The following RAB3C variants were observed in gnomAD, a reference collection of about 807,000 sequenced individuals.
RAB3C encodes the protein RAB3C, member RAS oncogene family, also known as ras-related protein Rab-3C.
A neutral mutation model predicts 26.4 loss-of-function variants in RAB3C; 17 were observed. That is an observed-to-expected ratio of 0.64 (90% CI 0.44 to 0.97). RAB3C has a LOEUF of 0.97. Among genes scored for constraint, RAB3C ranks in the 50% least tolerant of loss-of-function variants. RAB3C has a pLI of 0.00. For synonymous variants in RAB3C, 91 were observed against 95.9 expected, an observed-to-expected ratio of 0.95 and a Z score of 0.30; for missense variants, 242 against 281.9, an observed-to-expected ratio of 0.86 and a Z score of 1.01.
intron 3 of RAB3C, among the ~76,000 whole-genome samples, chr5:58,810,075 G>A (rs1159513108): frequency 6.6e-6 from 1 of 152,134 alleles, no homozygotes; most frequent in Admixed American, 6.5e-5. Flanking sequence ...CAGCAGAAGT[G>A]GAACAATAGA....
chr5:58,674,619 A>G (rs1180089889), intron 2 of RAB3C, among the ~76,000 whole-genome samples: 1 of 152,252 alleles, frequency 6.6e-6, no homozygotes, highest in Non-Finnish European at 1.5e-5. Flanking sequence ...AATACAATAC[A>G]ATAATGCAAT....
intron 3 of RAB3C, among the ~76,000 whole-genome samples, chr5:58,785,445 A>C (rs1487688413): frequency 6.6e-6 from 1 of 152,224 alleles, no homozygotes; most frequent in African/African-American, 2.4e-5. Flanking sequence ...ACTTCTTTGC[A>C]TATTACCTCT....
chr5:58,813,776 T>TGAGATATTATTTAACTCTGGACTTAAA (rs1554020432), intron 3 of RAB3C, among the ~76,000 whole-genome samples: 5 of 152,166 alleles, frequency 3.3e-5, no homozygotes, highest in East Asian at 1.9e-4. Context: ...GGATATTCAG[T>TGAGATATTATTTAACTCTGGACTTAAA]GAATGCACAC....
intron 1 of RAB3C, among the ~76,000 whole-genome samples, chr5:58,606,107 T>C (rs2111696539): frequency 1.3e-5 from 2 of 152,258 alleles, no homozygotes; most frequent in Middle Eastern, 6.8e-3. Flanking sequence ...TCACCTCAGC[T>C]GGGAAGCACA....
intron 4 of RAB3C, among the ~76,000 whole-genome samples, chr5:58,833,969 C>T (rs1323021241): frequency 2.0e-5 from 3 of 152,014 alleles, no homozygotes; most frequent in Non-Finnish European, 2.9e-5. Context: ...TTAATGAAAT[C>T]GAAATAGATT....
intron 3 of RAB3C, among the ~76,000 whole-genome samples, chr5:58,820,112 T>C (rs568169703): frequency 6.6e-6 from 1 of 152,096 alleles, no homozygotes; most frequent in African/African-American, 2.4e-5. Flanking sequence ...ATTTTACATT[T>C]TCTTGCAAAG....
chr5:58,834,080 T>G (rs1047822679), intron 4 of RAB3C, among the ~76,000 whole-genome samples: 1 of 152,264 alleles, frequency 6.6e-6, no homozygotes, highest in African/African-American at 2.4e-5. Context: ...GCTACCTATG[T>G]CTGCATTGTT....
chr5:58,733,413 G>C (rs1741068418), intron 3 of RAB3C, among the ~76,000 whole-genome samples: 1 of 152,136 alleles, frequency 6.6e-6, no homozygotes, highest in Non-Finnish European at 1.5e-5. Flanking sequence ...CTTCAGACTT[G>C]TCCATGTGGT....
Position 58,793,372 on chromosome 5 carries a change from C to T in RAB3C, c.372-31666C>T, listed in dbSNP as rs566693669. ...AAGAGATCGAGACTATCCTGGCCAA[C>T]ATGGTGAAACCCTGTCTCTACTAAA... On this transcript the variant is annotated intron_variant, in intron 3 of 4. Transcript: ENST00000282878. 7.9e-5 allele frequency among the ~76,000 whole-genome samples: 12 copies of T among 152,200 alleles called. No individual in the cohort carries two copies. In the South Asian group the frequency reaches 2.3e-3, roughly 29 times the overall value.
At chr5:58,748,752 C>T (rs141702564) in intron 3 of RAB3C, among the ~76,000 whole-genome samples, 49 of 152,262 alleles carry the variant, frequency 3.2e-4, no homozygotes, top group African/African-American at 1.2e-3. Flanking sequence ...AACTGTCCAT[C>T]AAGTTTATGC....
chr5:58,774,097 C>T (rs1285964655), intron 3 of RAB3C, among the ~76,000 whole-genome samples: 1 of 152,148 alleles, frequency 6.6e-6, no homozygotes, highest in African/African-American at 2.4e-5. Context: ...AAATAGAGGG[C>T]ATCAACTCTG....
upstream of RAB3C, chr5:58,582,394 G>C: frequency 3.0e-6 from 3 of 985,440 alleles, no homozygotes; most frequent in Non-Finnish European, 3.6e-6. Flanking sequence ...ACCTCGAGTT[G>C]TAATGGAGCT....
intron 1 of RAB3C, among the ~76,000 whole-genome samples, chr5:58,593,628 C>T (rs898358995): frequency 3.9e-5 from 6 of 152,132 alleles, no homozygotes; most frequent in African/African-American, 1.4e-4. Context: ...AATAAAATAA[C>T]TTTAACAATT....
chr5:58,688,635 A>C (rs1381421927), intron 2 of RAB3C, among the ~76,000 whole-genome samples: 1 of 152,098 alleles, frequency 6.6e-6, no homozygotes, highest in Non-Finnish European at 1.5e-5. Context: ...CTACAGAAAG[A>C]CCAGGAAAGA....
At position 58,797,358 on chromosome 5, in the gene RAB3C, GTATATATATAATATA is replaced by G. The variant is rs1561133466; in HGVS notation, c.372-27669_372-27655del. Among the ~76,000 whole-genome samples, 28 of 26,282 alleles carry G rather than the reference GTATATATATAATATA, an allele frequency of 1.1e-3. 1 individual carries two copies. The highest frequency in any genetic ancestry group is 0.026 in the Middle Eastern group (1 of 38). 17.2% of individuals were successfully genotyped at this position (26,282 alleles called of 152,430 possible). On this transcript the variant is annotated intron_variant, in intron 3 of 4. Coordinates refer to ENST00000282878, the MANE Select transcript of RAB3C (RefSeq NM_138453.4). ...GGAAGACAAAAAAAAAAAAAAATAT[GTATATATATAATATA>G]TATATATATATATATATATATATAC...
chr5:58,847,067 C>T (rs1030389125), intron 4 of RAB3C: 2 of 152,112 alleles, frequency 1.3e-5, no homozygotes, highest in East Asian at 2.0e-4. Context: ...CGAACAGTGC[C>T]GCCTGCCTCT....
chr5:58,617,582 T>C lies in RAB3C; in HGVS notation c.25-61T>C. The C allele has an allele frequency of 3.1e-6, 4 of 1,275,088 alleles. 1 individual carries two copies. The highest frequency in any genetic ancestry group is 4.6e-6 in the Non-Finnish European group (4 of 875,766). 79.0% of individuals were successfully genotyped at this position (1,275,088 alleles called of 1,614,324 possible). On this transcript the variant is annotated intron_variant, in intron 1 of 4. Transcript: ENST00000282878. Reference sequence around the variant, plus strand: ...AATAATGAGTATGCTGCTAGCTTCATATCAAATGAGAGTCTGATCTACACC... The same window carrying C: ...AATAATGAGTATGCTGCTAGCTTCACATCAAATGAGAGTCTGATCTACACC...
In RAB3C at chr5:58,823,033, C is replaced by G. The variant is rs1167025374; in HGVS notation, c.372-2005C>G. ...TTGATAAAGGCTGTTCTGTCCCTCACAGTACCAGATGATTCCCTGCTTGTG... is the reference window on the plus strand; with the variant it reads ...TTGATAAAGGCTGTTCTGTCCCTCAGAGTACCAGATGATTCCCTGCTTGTG... On this transcript the variant is annotated intron_variant, in intron 3 of 4. Coordinates refer to ENST00000282878, the MANE Select transcript of RAB3C (RefSeq NM_138453.4). The G allele has an allele frequency of 8.4e-6, 5 of 592,856 alleles. No individual in the cohort carries two copies. The East Asian group carries it at 2.0e-4, about 24-fold the overall frequency. The allele number at this position is 592,856 out of a possible 1,614,324, so 36.7% of individuals were successfully genotyped here. A position where few individuals can be genotyped will look rare whatever the true frequency, so the allele number is the denominator to read the frequency against.
chr5:58,782,010 A>G (rs1325106260), intron 3 of RAB3C, among the ~76,000 whole-genome samples: 1 of 152,038 alleles, frequency 6.6e-6, no homozygotes, highest in Non-Finnish European at 1.5e-5. Flanking sequence ...ACTTTTCACT[A>G]TCTTTTGAGT....
Sources: allele counts gnomAD v4.1 joint callset (sites outside exome capture counted in the v4.1 genomes callset), GRCh38; gene constraint gnomAD v4.1.1; transcripts MANE v1.5; gene names NCBI Gene and HGNC (gene_info 2026-07-23, HGNC 2026-07-21).